The following ROBO2 variants were observed in gnomAD, a reference collection of about 807,000 sequenced individuals.
The protein encoded by ROBO2 is roundabout guidance receptor 2, also known as roundabout homolog 2.
In ROBO2, 53 loss-of-function variants were observed where a neutral mutation model predicts 160.8. That is an observed-to-expected ratio of 0.33 (90% CI 0.26 to 0.41). ROBO2 has a LOEUF of 0.41. Among genes scored for constraint, ROBO2 ranks in the 10% least tolerant of loss-of-function variants. ROBO2 has a pLI of 1.00. For synonymous variants in ROBO2, 664 were observed against 611.7 expected, an observed-to-expected ratio of 1.09 and a Z score of -1.26; for missense variants, 1,577 against 1,722.4, an observed-to-expected ratio of 0.92 and a Z score of 1.49.
intron 2 of ROBO2, among the ~76,000 whole-genome samples, chr3:77,352,805 A>G (rs2068536543): frequency 6.6e-6 from 1 of 152,100 alleles, no homozygotes; most frequent in Non-Finnish European, 1.5e-5. Context: ...TTCACTGTAG[A>G]CCCCAGATGT....
intron 2 of ROBO2, among the ~76,000 whole-genome samples, chr3:76,532,583 CTG>C (rs992861593): frequency 6.6e-6 from 1 of 152,160 alleles, no homozygotes; most frequent in African/African-American, 2.4e-5. Context: ...ACTTTATATT[CTG>C]TGTCAGTGGT....
At chr3:76,913,636 A>G (rs112185146) in intron 2 of ROBO2, among the ~76,000 whole-genome samples, 1,571 of 152,304 alleles carry the variant, frequency 0.01, 26 homozygotes, top group African/African-American at 0.036. Flanking sequence ...AATGCATTGT[A>G]GATGTTTGAC....
intron 2 of ROBO2, among the ~76,000 whole-genome samples, chr3:76,397,442 A>G (rs1460887506): frequency 6.6e-6 from 1 of 152,124 alleles, no homozygotes; most frequent in Non-Finnish European, 1.5e-5. Context: ...AAACACCAAA[A>G]GCAATGGCAA....
chr3:76,030,116 G>C (rs1013652080), intron 2 of ROBO2, among the ~76,000 whole-genome samples: 4 of 152,212 alleles, frequency 2.6e-5, no homozygotes, highest in Non-Finnish European at 5.9e-5. Flanking sequence ...CTGATGACCA[G>C]TGATGATGAG....
At chr3:76,012,806 G>T (rs1361255414) in intron 2 of ROBO2, among the ~76,000 whole-genome samples, 7 of 152,128 alleles carry the variant, frequency 4.6e-5, no homozygotes, top group African/African-American at 1.4e-4. Context: ...GGGCACGGTG[G>T]TGTATGCATG....
intron 2 of ROBO2, among the ~76,000 whole-genome samples, chr3:76,956,086 T>G (rs2079235895): frequency 6.6e-6 from 1 of 152,144 alleles, no homozygotes; most frequent in Non-Finnish European, 1.5e-5. Context: ...CCTCCAGACT[T>G]AAATGTTCAG....
intron 2 of ROBO2, among the ~76,000 whole-genome samples, chr3:76,136,119 G>A (rs954799704): frequency 2.0e-5 from 3 of 152,060 alleles, no homozygotes; most frequent in Non-Finnish European, 4.4e-5. Flanking sequence ...AATGTTCTGA[G>A]TTTTAGTGTT....
intron 2 of ROBO2, among the ~76,000 whole-genome samples, chr3:76,042,139 G>A (rs1210541101): frequency 6.6e-6 from 1 of 151,842 alleles, no homozygotes; most frequent in Non-Finnish European, 1.5e-5. Context: ...TGAGAAAGTT[G>A]GGTAGCTTAT....
At chr3:76,471,931 G>A (rs750572472) in intron 2 of ROBO2, among the ~76,000 whole-genome samples, 3 of 152,006 alleles carry the variant, frequency 2.0e-5, no homozygotes, top group Non-Finnish European at 4.4e-5. Context: ...GGAGGTAACC[G>A]CCCTCACGAT....
intron 2 of ROBO2, among the ~76,000 whole-genome samples, chr3:75,965,335 C>T (rs943388476): frequency 6.9e-6 from 1 of 145,194 alleles, no homozygotes; most frequent in Non-Finnish European, 1.5e-5. Flanking sequence ...CTATTTTCCC[C>T]GCACTTTAGT....
chr3:76,415,922 T>C (rs2075739442), intron 2 of ROBO2, among the ~76,000 whole-genome samples: 1 of 152,168 alleles, frequency 6.6e-6, no homozygotes, highest in Non-Finnish European at 1.5e-5. Context: ...TGATTAATAA[T>C]ACATCATGTT....
intron 2 of ROBO2, among the ~76,000 whole-genome samples, chr3:76,937,217 A>G (rs1443165406): frequency 2.0e-5 from 3 of 152,196 alleles, no homozygotes; most frequent in African/African-American, 7.2e-5. Flanking sequence ...AGGTCATTTT[A>G]CCATTATATA....
chr3:76,345,936 C>G (rs1292513099), intron 2 of ROBO2, among the ~76,000 whole-genome samples: 1 of 152,024 alleles, frequency 6.6e-6, no homozygotes, highest in Non-Finnish European at 1.5e-5. Context: ...CTCCTTTAGA[C>G]AGTCATTTTT....
At chr3:77,133,589 A>C (rs1448814988) in intron 2 of ROBO2, among the ~76,000 whole-genome samples, 1 of 150,188 alleles carries the variant, frequency 6.7e-6, no homozygotes, top group Non-Finnish European at 1.5e-5. Context: ...ACAGCAATTT[A>C]GTACTCTGCT....
chr3:77,191,577 T>C (rs1298199019), intron 2 of ROBO2, among the ~76,000 whole-genome samples: 2 of 99,234 alleles, frequency 2.0e-5, no homozygotes, highest in East Asian at 4.6e-4. Context: ...ACTTGGAGTT[T>C]TTTAAACGTG....
intron 2 of ROBO2, among the ~76,000 whole-genome samples, chr3:76,897,536 C>T (rs748672323): frequency 2.0e-5 from 3 of 152,042 alleles, no homozygotes; most frequent in Non-Finnish European, 4.4e-5. Flanking sequence ...CACCGTAAAC[C>T]AACCTACATG....
intron 2 of ROBO2, among the ~76,000 whole-genome samples, chr3:76,365,336 A>G (rs1388130859): frequency 2.0e-5 from 3 of 152,090 alleles, no homozygotes; most frequent in African/African-American, 7.2e-5. Context: ...GTAAACTGTA[A>G]AGAAAAATAC....
In ROBO2 at chr3:77,122,054, C is replaced by T. The variant is rs141080170; in HGVS notation, c.388+23714C>T. 1.7e-3 allele frequency among the ~76,000 whole-genome samples: 252 copies of T among 152,162 alleles called. 2 individuals carry two copies. The highest frequency in any genetic ancestry group is 5.8e-3 in the African/African-American group (241 of 41,524). ...AATGACCTGGATATTTTTTCCACTT[C>T]ACACAATATCTAGAGTGTTTAATGT... On this transcript the variant is annotated intron_variant, in intron 2 of 25. Coordinates refer to ENST00000461745, the Ensembl canonical transcript of ROBO2.
At chr3:77,558,147 C>T (rs555617157) in exon 9 of ROBO2, 65 of 1,611,374 alleles carry the variant, frequency 4.0e-5, no homozygotes, top group Middle Eastern at 1.7e-4. Flanking sequence ...TAAGAATTTA[C>T]GGGTAAGTAA....
Sources: gnomAD v4.1 joint callset for allele counts (sites outside exome capture counted in the v4.1 genomes callset) on GRCh38, gnomAD v4.1.1 for gene constraint, MANE v1.5 for transcripts, NCBI Gene and HGNC (gene_info 2026-07-23, HGNC 2026-07-21) for gene names.